Variants in MAFK observed in about 807,000 individuals in gnomAD.
MAFK encodes MAF bZIP transcription factor K.
Under a neutral mutation model 9.2 loss-of-function variants are expected in MAFK, and 1 was observed. The ratio of observed to expected loss-of-function variants is 0.11; its 90% CI spans 0.04 to 0.52. MAFK has a LOEUF of 0.52. Among genes scored for constraint, MAFK ranks in the 20% least tolerant of loss-of-function variants. The pLI is 0.94. For synonymous variants in MAFK, 110 were observed against 107.4 expected (o/e 1.02, Z -0.15); for missense variants, 207 against 236.0 (o/e 0.88, Z 0.81).
intron 1 of MAFK, chr7:1,538,599 C>G (rs1784097860): frequency 3.8e-6 from 1 of 261,526 alleles, no homozygotes; most frequent in Non-Finnish European, 6.0e-6. Flanking sequence ...AGCACCGGAG[C>G]CTTTGCCAGT....
At chr7:1,539,713 C>T (rs73042781) in intron 2 of MAFK, among the ~76,000 whole-genome samples, 10,532 of 152,266 alleles carry the variant, frequency 0.069, 552 homozygotes, top group Admixed American at 0.13. Context: ...CAGGAGTGAC[C>T]GATGTCACCA....
At chr7:1,536,008 G>A (rs893003306) in intron 1 of MAFK, among the ~76,000 whole-genome samples, 2 of 152,318 alleles carry the variant, frequency 1.3e-5, no homozygotes, top group Non-Finnish European at 1.5e-5. Flanking sequence ...TTAGTTCTGC[G>A]TCACGTCGAG....
intron 1 of MAFK, chr7:1,537,588 G>A (rs1029065165): frequency 4.7e-5 from 46 of 985,434 alleles, no homozygotes; most frequent in African/African-American, 1.2e-4. Flanking sequence ...CCACCTGGCC[G>A]TCCCCGGGAC....
At chr7:1,533,587 G>C (rs1450265230) in intron 1 of MAFK, among the ~76,000 whole-genome samples, 1 of 152,222 alleles carries the variant, frequency 6.6e-6, no homozygotes, top group African/African-American at 2.4e-5. Context: ...TGCCTGTGGG[G>C]CTGTGTGGGG....
At chr7:1,538,244 A>T in intron 1 of MAFK, 2 of 984,592 alleles carry the variant, frequency 2.0e-6, no homozygotes, top group Non-Finnish European at 2.4e-6. Flanking sequence ...CACAATGCAG[A>T]CGTGAGGACG....
At chr7:1,536,707 A>G (rs931286507) in intron 1 of MAFK, among the ~76,000 whole-genome samples, 1 of 152,238 alleles carries the variant, frequency 6.6e-6, no homozygotes, top group Non-Finnish European at 1.5e-5. Context: ...TTAAAGCGAC[A>G]TTAGGTTAAG....
Position 1,540,761 on chromosome 7 carries a change from A to G in MAFK, c.*386A>G, listed in dbSNP as rs1186271708. The G allele has an allele frequency of 1.4e-5, 3 of 207,512 alleles. No homozygotes were observed. Among genetic ancestry groups the G allele is most frequent in the Admixed American group, 5.7e-5 (1 of 17,518 alleles). The allele number at this position is 207,512 out of a possible 1,614,324, so 12.9% of individuals were successfully genotyped here. A position where few individuals can be genotyped will look rare whatever the true frequency, so the allele number is the denominator to read the frequency against. ...TCAGGCCCCTGTGGTCAGGTCTAGC[A>G]TGGGGCTTGTTTTCCACTCCTGCTG... On this transcript the variant is annotated 3_prime_UTR_variant, in exon 3 of 3. Coordinates refer to ENST00000343242, the MANE Select transcript of MAFK (RefSeq NM_002360.4).
In MAFK at chr7:1,534,223, C is replaced by A. The variant is rs1238909764; in HGVS notation, c.-45+3325C>A. On this transcript the variant is annotated intron_variant, in intron 1 of 2. Transcript: ENST00000343242. The surrounding 1 kb of genome is among the most constrained non-coding windows in gnomAD (Gnocchi z 4.3). ...GACAGCCGGACAGTGGGGGCCCTCG[C>A]AGTGTAGGACCTCATCCTCAGTAGG... The A allele has an allele frequency of 2.2e-6, 1 of 455,012 alleles. No individual in the cohort carries two copies. The highest frequency in any genetic ancestry group is 4.4e-6 in the Non-Finnish European group (1 of 226,130). 28.2% of individuals were successfully genotyped at this position (455,012 alleles called of 1,614,324 possible).
intron 1 of MAFK, chr7:1,538,495 AG>A (rs1784094696): frequency 7.7e-6 from 1 of 129,996 alleles, no homozygotes; most frequent in Non-Finnish European, 1.5e-5. Context: ...GCGGGGCGGG[AG>A]GGCGGCTGGG....
At chr7:1,535,133 G>C (rs561012279) in intron 1 of MAFK, among the ~76,000 whole-genome samples, 1 of 114,252 alleles carries the variant, frequency 8.8e-6, no homozygotes, top group South Asian at 2.9e-4. Flanking sequence ...TGTTGCCCAG[G>C]CTGGCCTGAA....
rs1190933723 is a variant in MAFK, at chr7:1,542,243, T to C, written c.*1868T>C. 1 of 152,602 alleles carries C rather than the reference T, an allele frequency of 6.6e-6. No individual in the cohort carries two copies. Among genetic ancestry groups the C allele is most frequent in the Non-Finnish European group, 1.5e-5 (1 of 68,042 alleles). The allele number at this position is 152,602 out of a possible 1,614,324, so 9.5% of individuals were successfully genotyped here. ...GAGAAACAGAAAATATATAGAGATA[T>C]AAAATTATATTCACAGTTTATCTAC... On this transcript the variant is annotated 3_prime_UTR_variant, in exon 3 of 3. Coordinates refer to ENST00000343242, the MANE Select transcript of MAFK (RefSeq NM_002360.4).
intron 1 of MAFK, chr7:1,538,578 G>A (rs576380394): frequency 1.1e-3 from 399 of 376,544 alleles, no homozygotes; most frequent in Admixed American, 3.0e-3. Context: ...GGGGATCCAG[G>A]CTGGGTCCGG....
At chr7:1,531,312 G>A (rs918834018) in intron 1 of MAFK, among the ~76,000 whole-genome samples, 34 of 151,666 alleles carry the variant, frequency 2.2e-4, no homozygotes, top group African/African-American at 7.5e-4. Flanking sequence ...GGGCGCGGGC[G>A]CGTGGATTCT....
Position 1,537,672 on chromosome 7 carries a change from G to A in MAFK, c.-44-1477G>A, listed in dbSNP as rs949429759. The A allele has an allele frequency of 7.1e-6, 7 of 985,444 alleles. No homozygotes were observed. In the African/African-American group the frequency reaches 1.0e-4, roughly 15 times the overall value. The allele number at this position is 985,444 out of a possible 1,614,324, so 61.0% of individuals were successfully genotyped here. A position where few individuals can be genotyped will look rare whatever the true frequency, so the allele number is the denominator to read the frequency against. Reference sequence around the variant, plus strand: ...GGCCTTGGCAGGGGCAGCGGACTCGGCAGCCTGGCGCAGGACCCTGTCTCA... The same window carrying A: ...GGCCTTGGCAGGGGCAGCGGACTCGACAGCCTGGCGCAGGACCCTGTCTCA... On this transcript the variant is annotated intron_variant, in intron 1 of 2. Coordinates refer to ENST00000343242, the MANE Select transcript of MAFK (RefSeq NM_002360.4).
rs1314305413 is a variant in MAFK at position 1,541,164 on chromosome 7, TGCAGCACAGC to T, written c.*794_*803del. The T allele has an allele frequency of 1.3e-5, 2 of 152,650 alleles. No individual in the cohort carries two copies. Among genetic ancestry groups the T allele is most frequent in the African/African-American group, 2.4e-5 (1 of 41,372 alleles). The allele number at this position is 152,650 out of a possible 1,614,324, so 9.5% of individuals were successfully genotyped here. On this transcript the variant is annotated 3_prime_UTR_variant, in exon 3 of 3. Transcript: ENST00000343242. ...GTGCTCTGGTGACCCGAGGAGGTCGTGCAGCACAGCGCAGAAGCCCCTGCCCACGGGATCC... is the reference window on the plus strand; with the variant it reads ...GTGCTCTGGTGACCCGAGGAGGTCGTGCAGAAGCCCCTGCCCACGGGATCC...
chr7:1,542,251 T>C lies in MAFK; in HGVS notation c.*1876T>C, dbSNP rs991073532. 5.2e-5 allele frequency: 8 copies of C among 152,616 alleles called. No homozygotes were observed. The highest frequency in any genetic ancestry group is 1.7e-4 in the African/African-American group (7 of 41,474). The allele number at this position is 152,616 out of a possible 1,614,324, so 9.5% of individuals were successfully genotyped here. ...GAAAATATATAGAGATATAAAATTA[T>C]ATTCACAGTTTATCTACAGATTTTT... On this transcript the variant is annotated 3_prime_UTR_variant, in exon 3 of 3. Transcript: ENST00000343242.
In MAFK at chr7:1,538,205, G is replaced by A. The variant is rs942145201; in HGVS notation, c.-44-944G>A. ...GCTCATGCCGGGGATGCTTTGGCTG[G>A]GTTTTTCATGAATGATTAGAATGTG... On this transcript the variant is annotated intron_variant, in intron 1 of 2. Coordinates refer to ENST00000343242, the MANE Select transcript of MAFK (RefSeq NM_002360.4). The A allele has an allele frequency of 5.3e-6, 5 of 937,160 alleles. No individual in the cohort carries two copies. In the African/African-American group the frequency reaches 7.1e-5, roughly 13 times the overall value. The allele number at this position is 937,160 out of a possible 1,614,324, so 58.1% of individuals were successfully genotyped here.
At chr7:1,539,809 T>C in intron 2 of MAFK, 132 bp from the exon 3 acceptor site, 1 of 735,668 alleles carries the variant, frequency 1.4e-6, no homozygotes, top group Non-Finnish European at 2.2e-6. Flanking sequence ...TGGTCCCTGG[T>C]GCGGATGGCG....
At chr7:1,535,813 C>T (rs1784013933) in intron 1 of MAFK, among the ~76,000 whole-genome samples, 1 of 152,242 alleles carries the variant, frequency 6.6e-6, no homozygotes, top group African/African-American at 2.4e-5. Flanking sequence ...AGGTGCCTTC[C>T]TGGGCGGAGC....
Sources: allele counts gnomAD v4.1 joint callset (sites outside exome capture counted in the v4.1 genomes callset), GRCh38; gene constraint gnomAD v4.1.1; non-coding constraint Gnocchi (gnomAD v3.1); transcripts MANE v1.5; gene names NCBI Gene and HGNC (gene_info 2026-07-23, HGNC 2026-07-21).